CABLES1: variants seen among roughly 807,000 people sequenced by gnomAD.
The protein encoded by CABLES1 is Cdk5 and Abl enzyme substrate 1.
CABLES1 carries 36 observed loss-of-function variants against 57.8 expected under a neutral mutation model. The observed-to-expected ratio is 0.62, with a 90% confidence interval of 0.48 to 0.82. The LOEUF is 0.82. Ranked by LOEUF, CABLES1 falls within the 40% of genes least tolerant of loss-of-function variation. The pLI is 0.00. For synonymous variants in CABLES1, 374 were observed against 363.0 expected (o/e 1.03, Z -0.35); for missense variants, 767 against 836.6 (o/e 0.92, Z 1.03).
chr18:23,211,050 T>C (rs758891806), intron 3 of CABLES1, among the ~76,000 whole-genome samples: 2 of 151,904 alleles, frequency 1.3e-5, no homozygotes, highest in Non-Finnish European at 2.9e-5. Flanking sequence ...TGTCAGCCTC[T>C]CCTAGATATA....
rs925965611 is a variant in CABLES1 at position 23,259,890 on chromosome 18, C to T, written c.*2523C>T. 11 of 152,340 alleles carry T rather than the reference C, an allele frequency of 7.2e-5. No homozygotes were observed. The highest frequency in any genetic ancestry group is 2.7e-4 in the African/African-American group (11 of 41,420). The allele number at this position is 152,340 out of a possible 1,614,324, so 9.4% of individuals were successfully genotyped here. A position where few individuals can be genotyped will look rare whatever the true frequency, so the allele number is the denominator to read the frequency against. ...CCCCCTCTCAGGACTGCCCTGAGGC[C>T]TCTCCAGTCCTCCCCACACTCAGAG... On this transcript the variant is annotated 3_prime_UTR_variant, in exon 10 of 10. Coordinates refer to ENST00000256925, the MANE Select transcript of CABLES1 (RefSeq NM_001100619.3).
Position 23,194,136 on chromosome 18 carries a change from A to G in CABLES1, c.918-312A>G, listed in dbSNP as rs138610357. On this transcript the variant is annotated intron_variant, in intron 2 of 9. Coordinates refer to ENST00000256925, the MANE Select transcript of CABLES1 (RefSeq NM_001100619.3). ...CAGCAGGATTCTTTTTAAGACAACA[A>G]TAAAGAATAATGTCTTTGGAATCTG... 1.0e-3 allele frequency among the ~76,000 whole-genome samples: 159 copies of G among 152,342 alleles called. 1 individual carries two copies. The highest frequency in any genetic ancestry group is 3.5e-3 in the African/African-American group (144 of 41,586).
chr18:23,189,051 G>C (rs1323383990), intron 2 of CABLES1, 142 bp downstream of exon 2: 2 of 609,526 alleles, frequency 3.3e-6, no homozygotes, highest in Non-Finnish European at 5.8e-6. Flanking sequence ...ACATCTCCTA[G>C]TGTCTAACCC....
intron 3 of CABLES1, among the ~76,000 whole-genome samples, chr18:23,203,014 C>T (rs1006850249): frequency 4.0e-5 from 6 of 151,746 alleles, no homozygotes; most frequent in African/African-American, 7.3e-5. Flanking sequence ...TGGAGACACT[C>T]AGTGGCTTTT....
At chr18:23,206,755 A>G (rs1403453633) in intron 3 of CABLES1, among the ~76,000 whole-genome samples, 2 of 151,806 alleles carry the variant, frequency 1.3e-5, no homozygotes, top group African/African-American at 4.8e-5. Context: ...TAAAGCATCC[A>G]GTATTAAACA....
chr18:23,150,490 A>G (rs1251976051), intron 1 of CABLES1, among the ~76,000 whole-genome samples: 1 of 152,126 alleles, frequency 6.6e-6, no homozygotes, highest in East Asian at 1.9e-4. Context: ...TGCTGGGATT[A>G]CAGCCGTGAG....
intron 7 of CABLES1, among the ~76,000 whole-genome samples, chr18:23,240,282 A>G (rs1341856005): frequency 6.6e-6 from 1 of 152,178 alleles, no homozygotes; most frequent in Non-Finnish European, 1.5e-5. Context: ...GCCCAGTGGA[A>G]AGACCCCAAA....
intron 1 of CABLES1, among the ~76,000 whole-genome samples, chr18:23,175,355 ACAT>A (rs2047115696): frequency 6.6e-6 from 1 of 152,226 alleles, no homozygotes; most frequent in Non-Finnish European, 1.5e-5. Context: ...AGAAGTTTGA[ACAT>A]CAGTGTTCTA....
intron 3 of CABLES1, among the ~76,000 whole-genome samples, chr18:23,202,140 T>C (rs1403821402): frequency 6.6e-6 from 1 of 152,170 alleles, no homozygotes; most frequent in East Asian, 1.9e-4. Flanking sequence ...AACCACGCAG[T>C]GTGCTGAGCA....
chr18:23,253,806 A>G lies in CABLES1; in HGVS notation c.1631A>G (p.Tyr544Cys), dbSNP rs2048098866. The change falls in exon 9 of 10, where the codon TAC (tyrosine) becomes TGC (cysteine). Residue 544 changes from tyrosine to cysteine, a missense_variant. Physicochemically the swap from Tyr to Cys is radical, Grantham distance 194. Around this residue, in one of 4 missense-constraint regions of CABLES1, gnomAD observed 529 missense variants for 622.8 expected, o/e 0.85. Coordinates refer to ENST00000256925, the MANE Select transcript of CABLES1 (RefSeq NM_001100619.3). ...EEPTVAMAFV[Y>C]FEKLALKGKL... ...CCCACGGTGGCCATGGCCTTCGTCT[A>G]CTTTGAAAAGCTCGCCCTCAAGGGG... 5 of 1,614,242 alleles carry G rather than the reference A, an allele frequency of 3.1e-6. No homozygotes were observed. Among genetic ancestry groups the G allele is most frequent in the African/African-American group, 1.3e-5 (1 of 75,056 alleles).
intron 4 of CABLES1, among the ~76,000 whole-genome samples, chr18:23,224,673 A>ATT (rs1188549342): frequency 7.1e-6 from 1 of 140,498 alleles, no homozygotes; most frequent in Non-Finnish European, 1.5e-5. Context: ...GGTTCACGCC[A>ATT]TTCTCCTGCC....
chr18:23,257,114 A>T (rs560780499), intron 9 of CABLES1, 113 bp from the exon 10 acceptor site: 1 of 1,213,286 alleles, frequency 8.2e-7, no homozygotes, highest in East Asian at 2.4e-5. Context: ...GCTTTGCCCA[A>T]AGTGGATTTC....
At chr18:23,231,263 CAT>C (rs1323692423) in intron 4 of CABLES1, among the ~76,000 whole-genome samples, 1 of 152,198 alleles carries the variant, frequency 6.6e-6, no homozygotes, top group Non-Finnish European at 1.5e-5. Flanking sequence ...TCACTAGCCA[CAT>C]GTGGCAATTT....
intron 1 of CABLES1, among the ~76,000 whole-genome samples, chr18:23,147,781 G>A (rs573661575): frequency 2.6e-5 from 4 of 152,248 alleles, no homozygotes; most frequent in African/African-American, 9.6e-5. Flanking sequence ...GAGGCTGTGA[G>A]GTGAAGAGCA....
chr18:23,158,517 A>G (rs1416788965), intron 1 of CABLES1, among the ~76,000 whole-genome samples: 1 of 152,210 alleles, frequency 6.6e-6, no homozygotes, highest in African/African-American at 2.4e-5. Flanking sequence ...TACGGTTGTC[A>G]TTGCATCGTA....
Position 23,207,583 on chromosome 18 carries a change from ACCACCCCTAAGCTTTGCAAGGAGGGAGCT to A in CABLES1, c.1011-6392_1011-6364del, listed in dbSNP as rs2047373467. Among the ~76,000 whole-genome samples the A allele has an allele frequency of 5.3e-5, 8 of 152,172 alleles. No individual in the cohort carries two copies. In the South Asian group the frequency reaches 1.7e-3, roughly 32 times the overall value. On this transcript the variant is annotated intron_variant, in intron 3 of 9. Transcript: ENST00000256925. ...CACCTCTGCATGGAGGTATCTCCCA[ACCACCCCTAAGCTTTGCAAGGAGGGAGCT>A]CTTAGCTGGGCCATTCATCATCAGA...
chr18:23,196,409 C>T (rs540242996), intron 3 of CABLES1, among the ~76,000 whole-genome samples: 1 of 152,152 alleles, frequency 6.6e-6, no homozygotes, highest in Non-Finnish European at 1.5e-5. Context: ...CTGGCCCTCC[C>T]ACTTGAGGTT....
At chr18:23,204,384 C>T (rs1317605834) in intron 3 of CABLES1, 1 of 152,186 alleles carries the variant, frequency 6.6e-6, no homozygotes, top group East Asian at 1.9e-4. Context: ...CTCAGTACCT[C>T]GCGCTTGTGT....
chr18:23,223,579 GAAAAAAAAA>G (rs1164603815), intron 4 of CABLES1, among the ~76,000 whole-genome samples: 1 of 71,880 alleles, frequency 1.4e-5, no homozygotes, highest in African/African-American at 5.1e-5. Context: ...CTCCGTCTCA[GAAAAAAAAA>G]AAAAAAAAAA....
Sources: allele counts gnomAD v4.1 joint callset (sites outside exome capture counted in the v4.1 genomes callset), GRCh38; gene constraint gnomAD v4.1.1; regional missense constraint gnomAD v4.1.1; transcripts MANE v1.5; gene names NCBI Gene and HGNC (gene_info 2026-07-23, HGNC 2026-07-21).